TTC8: variants seen among roughly 807,000 people sequenced by gnomAD.
TTC8 encodes the protein tetratricopeptide repeat domain 8.
In TTC8, 47 loss-of-function variants were observed where a neutral mutation model predicts 72.5. The observed-to-expected ratio is 0.65, with a 90% CI of 0.51 to 0.83. The LOEUF (loss-of-function observed/expected upper bound fraction) is 0.83. Among genes scored for constraint, TTC8 ranks in the 40% least tolerant of loss-of-function variants. TTC8 has a pLI of 0.00. For synonymous variants in TTC8, 199 were observed against 221.4 expected (o/e 0.90, Z 0.90); for missense variants, 611 against 623.2 (o/e 0.98, Z 0.21).
At chr14:88,872,495 C>T in intron 13 of TTC8, 43 bp downstream of exon 13, 1 of 1,610,810 alleles carries the variant, frequency 6.2e-7, no homozygotes, top group Non-Finnish European at 8.5e-7. Flanking sequence ...CTGCTTTCTT[C>T]AGAGAAAAGC....
In TTC8 at chr14:88,841,484, A is replaced by C; in HGVS notation, c.549A>C (p.Thr183=). The stretch of plus-strand genomic sequence containing the variant: ...TAAATTTATCTAGGCTGAATTTAAC[A>C]AAGTATTCCCAGAAACCTAAGTTGG... ...PFINLSRLNL[T]KYSQKPKLAK... is the part of the protein sequence containing the mutation. Residue 183 remains threonine, a synonymous_variant, in exon 6 of 15, where the codon ACA becomes ACC. Transcript: ENST00000380656. 1 of 1,613,796 alleles carries C rather than the reference A, an allele frequency of 6.2e-7. No homozygotes were observed. Among genetic ancestry groups the C allele is most frequent in the Non-Finnish European group, 8.5e-7 (1 of 1,179,852 alleles).
intron 8 of TTC8, among the ~76,000 whole-genome samples, chr14:88,854,902 G>T (rs1460139785): frequency 1.3e-5 from 2 of 152,056 alleles, no homozygotes; most frequent in Non-Finnish European, 2.9e-5. Context: ...GCCCAAGGTG[G>T]TCTTGAACCC....
At chr14:88,845,948 G>C (rs967005496) in intron 7 of TTC8, among the ~76,000 whole-genome samples, 2 of 152,058 alleles carry the variant, frequency 1.3e-5, no homozygotes, top group African/African-American at 4.8e-5. Flanking sequence ...CAGGAAAGCA[G>C]ATAAGGGAAT....
intron 13 of TTC8, among the ~76,000 whole-genome samples, chr14:88,873,351 C>G (rs934705674): frequency 6.6e-6 from 1 of 152,208 alleles, no homozygotes; most frequent in East Asian, 1.9e-4. Flanking sequence ...TAAATGCCAC[C>G]TTCTTAGAAA....
upstream of TTC8, chr14:88,824,599 A>G: frequency 1.2e-6 from 1 of 844,054 alleles, no homozygotes; most frequent in Non-Finnish European, 1.9e-6. Flanking sequence ...CTCTCGGACA[A>G]GGCCCCAGCC....
intron 13 of TTC8, 45 bp from the exon 14 acceptor site, chr14:88,874,981 T>C (rs757188988): frequency 1.4e-6 from 2 of 1,474,454 alleles, no homozygotes; most frequent in Non-Finnish European, 1.9e-6. Context: ...TGCTGATATA[T>C]GTTCATACGC....
At position 88,833,732 on chromosome 14, in the gene TTC8, G is replaced by T; in HGVS notation, c.144+10G>T. 1 of 1,612,788 alleles carries T rather than the reference G, an allele frequency of 6.2e-7. No individual in the cohort carries two copies. Among genetic ancestry groups the T allele is most frequent in the Non-Finnish European group, 8.5e-7 (1 of 1,178,988 alleles). On this transcript the variant is annotated intron_variant, in intron 2 of 14. Coordinates refer to ENST00000380656, the MANE Select transcript of TTC8 (RefSeq NM_144596.4). ...ATTGCCAGTGCATCAGGTAAAGAAA[G>T]GTTTAGCTGCAACCTTTAGTTTAGA...
intron 7 of TTC8, among the ~76,000 whole-genome samples, chr14:88,851,311 A>C (rs1220408880): frequency 6.6e-6 from 1 of 152,150 alleles, no homozygotes; most frequent in East Asian, 1.9e-4. Flanking sequence ...CTGTATCAAT[A>C]ATTTATATTA....
At chr14:88,839,838 T>A (rs989339325) in intron 3 of TTC8, among the ~76,000 whole-genome samples, 1 of 152,210 alleles carries the variant, frequency 6.6e-6, no homozygotes, top group Non-Finnish European at 1.5e-5. Flanking sequence ...CAAGCTATAT[T>A]ATGCATTTTA....
At chr14:88,870,618 C>A (rs955549127) in intron 11 of TTC8, among the ~76,000 whole-genome samples, 3 of 152,198 alleles carry the variant, frequency 2.0e-5, no homozygotes, top group African/African-American at 7.2e-5. Flanking sequence ...GAAACAGAAT[C>A]ACCTGTTTTG....
intron 7 of TTC8, among the ~76,000 whole-genome samples, chr14:88,848,349 T>C (rs1469069455): frequency 6.6e-6 from 1 of 152,110 alleles, no homozygotes; most frequent in Non-Finnish European, 1.5e-5. Context: ...GAGAGTACAG[T>C]TAGTTGTCAT....
chr14:88,841,078 G>A lies in TTC8; in HGVS notation c.371G>A (p.Arg124Lys). The A allele has an allele frequency of 1.2e-6, 2 of 1,614,094 alleles. 1 individual carries two copies. Among genetic ancestry groups the A allele is most frequent in the African/African-American group, 2.7e-5 (2 of 75,014 alleles). The change falls in exon 5 of 15, where the codon AGG (arginine) becomes AAG (lysine). Residue 124 changes from arginine (R) to lysine (K), a missense_variant. Arg to Lys is a conservative substitution (Grantham distance 26). Transcript: ENST00000380656. The stretch of plus-strand genomic sequence containing the variant: ...GGAAGACCCATTACAGGTTTCCTCA[G>A]GCCCAGCACGCAGAGTGGAAGGCCA... ...QAGRPITGFL[R>K]PSTQSGRPGT...
rs769823895 is a variant in TTC8, at chr14:88,857,219, A to C, written c.740A>C (p.Gln247Pro). Residue 247 changes from glutamine (Q) to proline (P), a missense_variant, in exon 9 of 15, where the codon CAG (glutamine) becomes CCG (proline). Coordinates refer to ENST00000380656, the MANE Select transcript of TTC8 (RefSeq NM_144596.4). ...GGAATGTATCGTGAAGCAGAAAAAC[A>C]GTTTAAATCAGCCCTGAAGCAGCAG... ...RLGMYREAEK[Q>P]FKSALKQQEM... is the part of the protein sequence containing the mutation. 1 of 1,613,828 alleles carries C rather than the reference A, an allele frequency of 6.2e-7. No homozygotes were observed. The highest frequency in any genetic ancestry group is 8.5e-7 in the Non-Finnish European group (1 of 1,179,934).
At chr14:88,876,447 G>C (rs561926532) in intron 14 of TTC8, among the ~76,000 whole-genome samples, 1 of 152,192 alleles carries the variant, frequency 6.6e-6, no homozygotes, top group African/African-American at 2.4e-5. Context: ...CATGAATCAA[G>C]ATATACTCAA....
chr14:88,851,701 G>A (rs1271949675), intron 7 of TTC8, among the ~76,000 whole-genome samples: 1 of 151,810 alleles, frequency 6.6e-6, no homozygotes, highest in African/African-American at 2.4e-5. Flanking sequence ...TCTGGCTGGG[G>A]GCAGGGTGGT....
At position 88,872,470 on chromosome 14, in the gene TTC8, G is replaced by A. The variant is rs368504643; in HGVS notation, c.1347+18G>A. On this transcript the variant is annotated intron_variant, in intron 13 of 14. Coordinates refer to ENST00000380656, the MANE Select transcript of TTC8 (RefSeq NM_144596.4). ...TTGAACAGGTCAGTGAACTGGCAGC[G>A]GCATGCTGGGCAGTCTGCTTTCTTC... The A allele has an allele frequency of 1.7e-5, 27 of 1,612,844 alleles. No individual in the cohort carries two copies. In the African/African-American group the frequency reaches 1.9e-4, roughly 11 times the overall value.
intron 8 of TTC8, among the ~76,000 whole-genome samples, chr14:88,855,101 C>T (rs2094850149): frequency 1.3e-5 from 2 of 152,138 alleles, no homozygotes; most frequent in African/African-American, 2.4e-5. Context: ...TTGGAAATGT[C>T]GCTCTTCCCT....
chr14:88,864,136 A>T (rs1595977671), intron 10 of TTC8, among the ~76,000 whole-genome samples: 1 of 152,148 alleles, frequency 6.6e-6, no homozygotes, highest in East Asian at 1.9e-4. Context: ...AATTTTTTTT[A>T]TACTTTCTGT....
At position 88,841,425 on chromosome 14, in the gene TTC8, G is replaced by T. The variant is rs184952059; in HGVS notation, c.490G>T (p.Ala164Ser). 6.2e-7 allele frequency: 1 copy of T among 1,613,408 alleles called. No individual in the cohort carries two copies. Among genetic ancestry groups the T allele is most frequent in the Non-Finnish European group, 8.5e-7 (1 of 1,179,666 alleles). ...TTGGTCTATTGTTTTTCCTCTGTAG[G>T]CTTCCATGCTTACAAGTCCTGATGG... Reference protein sequence around the residue: ...SSGRFVRLGTASMLTSPDGPF... With the variant: ...SSGRFVRLGTSSMLTSPDGPF... The change falls in exon 6 of 15, where the codon GCT (alanine) becomes TCT (serine). Residue 164 changes from alanine (A) to serine (S), a missense_variant and splice_region_variant. Transcript: ENST00000380656.
Sources: allele counts gnomAD v4.1 joint callset (sites outside exome capture counted in the v4.1 genomes callset), GRCh38; gene constraint gnomAD v4.1.1; transcripts MANE v1.5; gene names NCBI Gene and HGNC (gene_info 2026-07-23, HGNC 2026-07-21).